The following C1QTNF3 variants were observed in gnomAD, a reference collection of about 807,000 sequenced individuals.
C1QTNF3 encodes the protein complement C1q tumor necrosis factor-related protein 3.
In C1QTNF3, 26 loss-of-function variants were observed where a neutral mutation model predicts 32.6. The ratio of observed to expected loss-of-function variants is 0.80; its 90% CI spans 0.58 to 1.11. The LOEUF (loss-of-function observed/expected upper bound fraction) is 1.11. Among genes scored for constraint, C1QTNF3 ranks in the 50% least tolerant of loss-of-function variants. C1QTNF3 has a pLI of 0.00. For synonymous variants in C1QTNF3, 155 were observed against 146.0 expected, an observed-to-expected ratio of 1.06 and a Z score of -0.44; for missense variants, 362 against 398.2, an observed-to-expected ratio of 0.91 and a Z score of 0.77.
chr5:34,179,570 A>G, the C1QTNF3 span, among the ~76,000 whole-genome samples: 1 of 152,296 alleles, frequency 6.6e-6, no homozygotes, highest in East Asian at 1.9e-4. Context: ...TTCTTCCCTA[A>G]CTTGAGATGT....
the C1QTNF3 span, among the ~76,000 whole-genome samples, chr5:34,195,821 C>T: frequency 6.7e-6 from 1 of 148,672 alleles, no homozygotes; most frequent in Admixed American, 6.7e-5. Context: ...GCCTGGGTGA[C>T]AGAGCGAGAC....
At chr5:34,113,560 CTATT>C in the C1QTNF3 span, among the ~76,000 whole-genome samples, 2 of 151,788 alleles carry the variant, frequency 1.3e-5, no homozygotes, top group African/African-American at 4.8e-5. Context: ...AGCATTCTAA[CTATT>C]TATTAAAAAT....
chr5:34,163,272 A>AC, the C1QTNF3 span, among the ~76,000 whole-genome samples: 62 of 152,060 alleles, frequency 4.1e-4, no homozygotes, highest in African/African-American at 1.4e-3. Flanking sequence ...ATGTACAACA[A>AC]CCCCCCCATG....
the C1QTNF3 span, among the ~76,000 whole-genome samples, chr5:34,061,058 A>G: frequency 6.6e-6 from 1 of 152,350 alleles, no homozygotes; most frequent in South Asian, 2.1e-4. Flanking sequence ...GGGAGTACAG[A>G]TATTGGGTAA....
chr5:34,024,167 T>C (rs1754406530), intron 4 of C1QTNF3, 159 bp from the exon 5 acceptor site: 1 of 606,528 alleles, frequency 1.6e-6, no homozygotes, highest in Non-Finnish European at 3.0e-6. Flanking sequence ...AATGTCCCTA[T>C]ATCTACTCCC....
chr5:34,183,550 C>T, the C1QTNF3 span, among the ~76,000 whole-genome samples: 1 of 149,630 alleles, frequency 6.7e-6, no homozygotes, highest in East Asian at 1.9e-4. Flanking sequence ...AGGCTGGTCT[C>T]GAACTCCTGA....
At chr5:34,169,231 A>C in the C1QTNF3 span, 2 of 152,178 alleles carry the variant, frequency 1.3e-5, no homozygotes, top group Non-Finnish European at 2.9e-5. Context: ...ACGAATTAAC[A>C]CAATTGTGAG....
the C1QTNF3 span, among the ~76,000 whole-genome samples, chr5:34,241,951 G>GGGAAGGAAGGAAGGAAGGAA: frequency 4.4e-5 from 4 of 90,206 alleles, no homozygotes; most frequent in African/African-American, 1.4e-4. Context: ...AAGGGAGGGA[G>GGGAAGGAAGGAAGGAAGGAA]GGAAGGAAGG....
At chr5:34,146,184 A>G in the C1QTNF3 span, among the ~76,000 whole-genome samples, 1 of 152,236 alleles carries the variant, frequency 6.6e-6, no homozygotes, top group African/African-American at 2.4e-5. Flanking sequence ...AATGAAAGGC[A>G]TCCATATAGA....
At chr5:34,127,550 G>A in the C1QTNF3 span, among the ~76,000 whole-genome samples, 9 of 151,910 alleles carry the variant, frequency 5.9e-5, no homozygotes, top group Non-Finnish European at 1.3e-4. Context: ...AAGCAGAAAG[G>A]CATTCAAGAT....
the C1QTNF3 span, among the ~76,000 whole-genome samples, chr5:34,087,462 C>T: frequency 6.6e-6 from 1 of 151,862 alleles, no homozygotes; most frequent in Admixed American, 6.6e-5. Context: ...ACTCAACCAG[C>T]CTGGGCTCTT....
the C1QTNF3 span, among the ~76,000 whole-genome samples, chr5:34,109,694 A>G: frequency 1.3e-5 from 2 of 152,244 alleles, no homozygotes; most frequent in African/African-American, 4.8e-5. Context: ...AAAACAGCCC[A>G]AAGTGATAGG....
At chr5:34,058,934 G>A in the C1QTNF3 span, among the ~76,000 whole-genome samples, 1 of 152,046 alleles carries the variant, frequency 6.6e-6, no homozygotes, top group Non-Finnish European at 1.5e-5. Context: ...CCTACTCAAG[G>A]GACTCAAGGT....
chr5:34,162,582 T>C, the C1QTNF3 span, among the ~76,000 whole-genome samples: 1 of 152,214 alleles, frequency 6.6e-6, no homozygotes, highest in Non-Finnish European at 1.5e-5. Context: ...TTTAAATGTA[T>C]AGAATCTTGA....
At chr5:34,203,380 T>TAAAATATATAGATTGATAGATATTGGGC in the C1QTNF3 span, among the ~76,000 whole-genome samples, 1 of 152,148 alleles carries the variant, frequency 6.6e-6, no homozygotes. Flanking sequence ...ACATTCCACT[T>TAAAATATATAGATTGATAGATATTGGGC]AAAATATATA....
chr5:34,238,017 A>G, the C1QTNF3 span, among the ~76,000 whole-genome samples: 1 of 152,320 alleles, frequency 6.6e-6, no homozygotes. Flanking sequence ...AAACTACAAC[A>G]TCAAAATTTA....
chr5:34,161,366 C>T, the C1QTNF3 span, among the ~76,000 whole-genome samples: 2 of 151,888 alleles, frequency 1.3e-5, no homozygotes, highest in South Asian at 4.2e-4. Context: ...ACTAACAGGC[C>T]ACTTAGAGAA....
At chr5:34,160,443 C>T in the C1QTNF3 span, among the ~76,000 whole-genome samples, 1 of 152,172 alleles carries the variant, frequency 6.6e-6, no homozygotes, top group South Asian at 2.1e-4. Context: ...TTGCCCAATT[C>T]TCTGTGCCTG....
the C1QTNF3 span, among the ~76,000 whole-genome samples, chr5:34,230,719 C>T: frequency 6.6e-6 from 1 of 152,042 alleles, no homozygotes; most frequent in Non-Finnish European, 1.5e-5. Flanking sequence ...ATCTACATGT[C>T]ACTAGTAATG....
Sources: gnomAD v4.1 joint callset for allele counts (sites outside exome capture counted in the v4.1 genomes callset) on GRCh38, gnomAD v4.1.1 for gene constraint, MANE v1.5 for transcripts, NCBI Gene and HGNC (gene_info 2026-07-23, HGNC 2026-07-21) for gene names.